Variants in TPP2 observed in about 807,000 individuals in gnomAD.
The protein encoded by TPP2 is tripeptidyl-peptidase 2.
In TPP2, 34 loss-of-function variants were observed where a neutral mutation model predicts 155.9. The ratio of observed to expected loss-of-function variants is 0.22; its 90% CI spans 0.17 to 0.29. The LOEUF (loss-of-function observed/expected upper bound fraction) is 0.29. TPP2 is among the 10% of genes least tolerant of loss of function. The pLI, the probability that TPP2 is intolerant of heterozygous loss-of-function variation, is 1.00. For synonymous variants in TPP2, 510 were observed against 529.4 expected, an observed-to-expected ratio of 0.96 and a Z score of 0.50; for missense variants, 1,028 against 1,522.3, an observed-to-expected ratio of 0.68 and a Z score of 5.40.
intron 17 of TPP2, among the ~76,000 whole-genome samples, chr13:102,644,287 TTTA>T (rs1201410912): frequency 6.6e-6 from 1 of 152,220 alleles, no homozygotes; most frequent in Non-Finnish European, 1.5e-5. Context: ...TCACATTTGC[TTTA>T]TTATATGTGC....
chr13:102,636,239 G>T lies in TPP2; in HGVS notation c.1525G>T (p.Asp509Tyr). 6.2e-7 allele frequency: 1 copy of T among 1,611,496 alleles called. No individual in the cohort carries two copies. The highest frequency in any genetic ancestry group is 1.1e-5 in the South Asian group (1 of 90,548). ...HGIIQVDKAY[D>Y]YLVQNTSFAN... is the part of the protein sequence containing the mutation. ...TTTTCACTAGGTTGATAAAGCCTAT[G>T]ACTACCTCGTTCAGAATACATCATT... is the stretch of plus-strand genomic sequence containing the variant. The change falls in exon 13 of 30, where the codon GAC becomes TAC. Residue 509 changes from aspartate to tyrosine, a missense_variant. Physicochemically the swap from Asp to Tyr is radical, Grantham distance 160. This residue lies in a region of TPP2 where 325 missense variants were observed against 463.7 expected (regional missense o/e 0.70). Coordinates refer to ENST00000376052, the MANE Select transcript of TPP2 (RefSeq NM_001330588.2).
intron 25 of TPP2, among the ~76,000 whole-genome samples, chr13:102,661,243 C>T (rs1034733787): frequency 1.4e-5 from 2 of 144,048 alleles, no homozygotes; most frequent in Non-Finnish European, 1.5e-5. Flanking sequence ...ATATAAAGAA[C>T]GCTAACCTTT....
At chr13:102,646,735 G>A (rs533685177) in intron 20 of TPP2, among the ~76,000 whole-genome samples, 1 of 152,146 alleles carries the variant, frequency 6.6e-6, no homozygotes, top group East Asian at 1.9e-4. Context: ...TGCTTTCTGC[G>A]AAGAAGGCAC....
intron 3 of TPP2, among the ~76,000 whole-genome samples, chr13:102,614,546 A>G (rs4307812): frequency 0.25 from 37,872 of 152,034 alleles, 5,289 homozygotes; most frequent in East Asian, 0.45. Flanking sequence ...TGGATTCAAA[A>G]TCCAGACCAC....
At chr13:102,668,516 A>G (rs1884754072) in intron 27 of TPP2, among the ~76,000 whole-genome samples, 1 of 152,160 alleles carries the variant, frequency 6.6e-6, no homozygotes, top group African/African-American at 2.4e-5. Flanking sequence ...TTCTTTTCCA[A>G]TCAAGGAGTG....
intron 6 of TPP2, among the ~76,000 whole-genome samples, chr13:102,625,402 G>T (rs1566334679): frequency 6.6e-6 from 1 of 151,794 alleles, no homozygotes; most frequent in Admixed American, 6.6e-5. Context: ...CTGACCTCGT[G>T]ATCCGCCCGC....
chr13:102,637,038 G>T, intron 13 of TPP2, 44 bp from the exon 14 acceptor site: 18 of 1,534,402 alleles, frequency 1.2e-5, no homozygotes, highest in East Asian at 2.4e-5. Flanking sequence ...ATGGAAAAAA[G>T]GAAAAAAATA....
chr13:102,627,805 C>T, intron 7 of TPP2, 43 bp from the exon 8 acceptor site: 1 of 1,441,758 alleles, frequency 6.9e-7, no homozygotes, highest in Non-Finnish European at 9.7e-7. Flanking sequence ...TAATCTGTTT[C>T]TGTAAATTGC....
intron 10 of TPP2, among the ~76,000 whole-genome samples, chr13:102,633,037 C>A (rs1882123228): frequency 6.6e-6 from 1 of 152,118 alleles, no homozygotes; most frequent in Non-Finnish European, 1.5e-5. Flanking sequence ...GTGTTTCTAC[C>A]CAAGAGTAAA....
In TPP2 at chr13:102,676,302, A is replaced by G; in HGVS notation, c.3586A>G (p.Thr1196Ala). 1 of 1,597,510 alleles carries G rather than the reference A, an allele frequency of 6.3e-7. No individual in the cohort carries two copies. The highest frequency in any genetic ancestry group is 8.6e-7 in the Non-Finnish European group (1 of 1,169,326). ...WTDLFDNKVLTFAYKHALVNK... is the reference protein window; with the variant it reads ...WTDLFDNKVLAFAYKHALVNK... ...ATCATGTTTTACATTGTAGGTTTTG[A>G]CATTTGCATATAAACATGCATTAGT... The change falls in exon 29 of 30, where the codon ACA (threonine) becomes GCA (alanine). Residue 1196 changes from threonine (T) to alanine (A), a missense_variant. Around this residue, in one of 7 missense-constraint regions of TPP2, gnomAD observed 116 missense variants for 117.3 expected, o/e 0.99. Coordinates refer to ENST00000376052, the MANE Select transcript of TPP2 (RefSeq NM_001330588.2).
At chr13:102,674,151 A>T in intron 27 of TPP2, 132 bp from the exon 28 acceptor site, 1 of 904,084 alleles carries the variant, frequency 1.1e-6, no homozygotes, top group Non-Finnish European at 1.6e-6. Context: ...ATACAATTGT[A>T]CGTACCTGGA....
intron 11 of TPP2, 133 bp downstream of exon 11, chr13:102,634,231 T>G: frequency 8.3e-7 from 1 of 1,205,164 alleles, no homozygotes; most frequent in South Asian, 1.5e-5. Flanking sequence ...AACGAATAAC[T>G]TATGTGATAA....
chr13:102,670,514 A>G (rs1165037833), intron 27 of TPP2, among the ~76,000 whole-genome samples: 1 of 152,186 alleles, frequency 6.6e-6, no homozygotes, highest in African/African-American at 2.4e-5. Flanking sequence ...CTGTCCTATT[A>G]ATCCTGTTGG....
In TPP2 at chr13:102,674,498, T is replaced by G. The variant is rs200038215; in HGVS notation, c.3579+8T>G. On this transcript the variant is annotated splice_region_variant and intron_variant, in intron 28 of 29. Coordinates refer to ENST00000376052, the MANE Select transcript of TPP2 (RefSeq NM_001330588.2). ...GATCTCTTTGACAATAAGGTAACGTTTCTGCTTCTTGTTTCAGCAAAGTTC... is the reference window on the plus strand; with the variant it reads ...GATCTCTTTGACAATAAGGTAACGTGTCTGCTTCTTGTTTCAGCAAAGTTC... 210 of 1,613,274 alleles carry G rather than the reference T, an allele frequency of 1.3e-4. No individual in the cohort carries two copies. The African/African-American group carries it at 2.6e-3, about 20-fold the overall frequency.
intron 26 of TPP2, among the ~76,000 whole-genome samples, chr13:102,664,043 C>T (rs962602668): frequency 6.6e-6 from 1 of 152,166 alleles, no homozygotes; most frequent in Admixed American, 6.5e-5. Flanking sequence ...GTAATCCTGG[C>T]CAGATGGAAA....
intron 27 of TPP2, among the ~76,000 whole-genome samples, chr13:102,669,628 A>T (rs1467336627): frequency 1.3e-5 from 2 of 152,150 alleles, no homozygotes; most frequent in Non-Finnish European, 2.9e-5. Context: ...CACCTGTTGA[A>T]GGAGGGGACA....
At chr13:102,652,563 G>A (rs1432266808) in intron 24 of TPP2, among the ~76,000 whole-genome samples, 3 of 151,688 alleles carry the variant, frequency 2.0e-5, no homozygotes, top group Admixed American at 1.3e-4. Context: ...AATCAGTAAT[G>A]TCCTAATGTA....
intron 10 of TPP2, among the ~76,000 whole-genome samples, chr13:102,630,424 T>C (rs533722829): frequency 8.1e-4 from 123 of 152,326 alleles, no homozygotes; most frequent in African/African-American, 2.9e-3. Flanking sequence ...TAAATTCTTA[T>C]TCCTATATCC....
chr13:102,629,218 C>T (rs1232330733), intron 8 of TPP2, among the ~76,000 whole-genome samples: 1 of 152,160 alleles, frequency 6.6e-6, no homozygotes, highest in Non-Finnish European at 1.5e-5. Flanking sequence ...CGAGTCACTA[C>T]TAATATTTTA....
Sources: gnomAD v4.1 joint callset for allele counts (sites outside exome capture counted in the v4.1 genomes callset) on GRCh38, gnomAD v4.1.1 for gene constraint, gnomAD v4.1.1 regional missense constraint, MANE v1.5 for transcripts, NCBI Gene and HGNC (gene_info 2026-07-23, HGNC 2026-07-21) for gene names.